Variants in NCK1 observed in about 807,000 individuals in gnomAD.
NCK1 encodes the protein SH2/SH3 adapter protein NCK1.
NCK1 carries 19 observed loss-of-function variants against 36.6 expected under a neutral mutation model. That is an observed-to-expected ratio of 0.52 (90% CI 0.36 to 0.76). The LOEUF (loss-of-function observed/expected upper bound fraction) is 0.76. Ranked by LOEUF, NCK1 falls within the 30% of genes least tolerant of loss-of-function variation. NCK1 has a pLI of 0.00. For missense variants in NCK1, 358 were observed against 445.6 expected, an observed-to-expected ratio of 0.80 and a Z score of 1.77; for synonymous variants, 165 against 156.0, an observed-to-expected ratio of 1.06 and a Z score of -0.43.
chr3:136,907,655 T>A (rs909803522), intron 1 of NCK1, among the ~76,000 whole-genome samples: 1 of 152,224 alleles, frequency 6.6e-6, no homozygotes, highest in African/African-American at 2.4e-5. Context: ...CAGTGTTCTC[T>A]CTTAGGTGAT....
chr3:136,902,468 T>C (rs1290671994), intron 1 of NCK1, among the ~76,000 whole-genome samples: 1 of 152,222 alleles, frequency 6.6e-6, no homozygotes, highest in African/African-American at 2.4e-5. Flanking sequence ...GTGCTAAGAT[T>C]ACAGGCGCGA....
chr3:136,946,259 T>C lies in NCK1; in HGVS notation c.903T>C (p.His301=), dbSNP rs1576995180. Reference sequence around the variant, plus strand: ...AAATGGCATTAAATGAAAGAGGACATGAAGGGGATTTCCTCATTCGTGATA... The same window carrying C: ...AAATGGCATTAAATGAAAGAGGACACGAAGGGGATTTCCTCATTCGTGATA... ...QAEMALNERG[H]EGDFLIRDSE... The change falls in exon 3 of 4, where the codon CAT becomes CAC. Residue 301 remains histidine, a synonymous_variant. Transcript: ENST00000481752. 3.1e-6 allele frequency: 5 copies of C among 1,613,030 alleles called. No homozygotes were observed. The highest frequency in any genetic ancestry group is 1.7e-4 in the Middle Eastern group (1 of 6,060).
intron 2 of NCK1, among the ~76,000 whole-genome samples, chr3:136,932,477 C>T (rs569940378): frequency 6.6e-6 from 1 of 151,912 alleles, no homozygotes; most frequent in Non-Finnish European, 1.5e-5. Flanking sequence ...TTAAATAAAA[C>T]AATAAAAAAT....
chr3:136,908,331 T>C (rs1939740762), intron 1 of NCK1, among the ~76,000 whole-genome samples: 1 of 152,232 alleles, frequency 6.6e-6, no homozygotes. Context: ...ACAGATCATG[T>C]ATGCCTGGTT....
At position 136,874,166 on chromosome 3, in the gene NCK1, A is replaced by T. The variant is rs187569946; in HGVS notation, c.-19+11813A>T. On this transcript the variant is annotated intron_variant, in intron 1 of 3. Coordinates refer to ENST00000481752, the MANE Select transcript of NCK1 (RefSeq NM_001291999.2). ...AAAGCTATTGTCAACATTCATTTACAGTTTTTTACATTTTTTATACTTTTT... is the reference window on the plus strand; with the variant it reads ...AAAGCTATTGTCAACATTCATTTACTGTTTTTTACATTTTTTATACTTTTT... Among the ~76,000 whole-genome samples the T allele has an allele frequency of 2.0e-5, 3 of 152,204 alleles. No homozygotes were observed. In the East Asian group the frequency reaches 5.8e-4, roughly 29 times the overall value.
At position 136,928,769 on chromosome 3, in the gene NCK1, A is replaced by G. The variant is rs931030693; in HGVS notation, c.226+542A>G. 1.1e-4 allele frequency: 16 copies of G among 149,436 alleles called. 1 individual carries two copies. The allele number at this position is 149,436 out of a possible 1,614,324, so 9.3% of individuals were successfully genotyped here. On this transcript the variant is annotated intron_variant, in intron 2 of 3. Coordinates refer to ENST00000481752, the MANE Select transcript of NCK1 (RefSeq NM_001291999.2). ...TGTTTTTTATTTTTACTGGCCCTCCATTAGGGCCTGAGACAGTGGAGCCCA... is the reference window on the plus strand; with the variant it reads ...TGTTTTTTATTTTTACTGGCCCTCCGTTAGGGCCTGAGACAGTGGAGCCCA...
At chr3:136,901,526 G>C (rs1939541273) in intron 1 of NCK1, among the ~76,000 whole-genome samples, 2 of 151,958 alleles carry the variant, frequency 1.3e-5, no homozygotes, top group Non-Finnish European at 2.9e-5. Context: ...TGTTTGTTGG[G>C]AGACTTTATT....
At chr3:136,873,663 C>G (rs897419822) in intron 1 of NCK1, among the ~76,000 whole-genome samples, 1 of 152,178 alleles carries the variant, frequency 6.6e-6, no homozygotes, top group Non-Finnish European at 1.5e-5. Flanking sequence ...GTAGCTCCCA[C>G]AATTCCTGTG....
chr3:136,912,879 A>T (rs1380794973), intron 1 of NCK1, among the ~76,000 whole-genome samples: 1 of 146,898 alleles, frequency 6.8e-6, no homozygotes, highest in African/African-American at 2.5e-5. Context: ...CTTGGTCTTG[A>T]TATCCTGGAC....
rs1402159861 is a variant in NCK1, at chr3:136,928,088, A to G, written c.87A>G (p.Leu29=). Residue 29 remains leucine (L), a synonymous_variant, in exon 2 of 4, where the codon TTA becomes TTG. Coordinates refer to ENST00000481752, the MANE Select transcript of NCK1 (RefSeq NM_001291999.2). ...TGGACATCAAGAAGAATGAGAGATT[A>G]TGGCTTCTGGATGATTCTAAGTCCT... The part of the protein sequence containing the change: ...QELDIKKNER[L]WLLDDSKSWW... 1 of 1,614,190 alleles carries G rather than the reference A, an allele frequency of 6.2e-7. No individual in the cohort carries two copies. The highest frequency in any genetic ancestry group is 8.5e-7 in the Non-Finnish European group (1 of 1,180,030).
At chr3:136,925,835 C>G (rs1940222603) in intron 1 of NCK1, among the ~76,000 whole-genome samples, 1 of 152,166 alleles carries the variant, frequency 6.6e-6, no homozygotes, top group Admixed American at 6.5e-5. Context: ...TTTCATTTCT[C>G]TGGGATAAAT....
intron 1 of NCK1, among the ~76,000 whole-genome samples, chr3:136,902,517 T>C (rs1939572764): frequency 6.6e-6 from 1 of 152,220 alleles, no homozygotes; most frequent in South Asian, 2.1e-4. Flanking sequence ...TTTCTAGTTT[T>C]ATTCCATTCT....
chr3:136,882,579 G>C (rs1398367038), intron 1 of NCK1, among the ~76,000 whole-genome samples: 1 of 151,884 alleles, frequency 6.6e-6, no homozygotes. Flanking sequence ...GTGTGTGTGT[G>C]TGTGTGTGTG....
chr3:136,897,989 T>A (rs1939434097), intron 1 of NCK1, among the ~76,000 whole-genome samples: 1 of 152,214 alleles, frequency 6.6e-6, no homozygotes, highest in African/African-American at 2.4e-5. Flanking sequence ...GAAGACTGGC[T>A]TAACAAAAAG....
chr3:136,931,946 AC>A (rs929164876), intron 2 of NCK1, among the ~76,000 whole-genome samples: 3 of 151,962 alleles, frequency 2.0e-5, no homozygotes, highest in Non-Finnish European at 4.4e-5. Flanking sequence ...ATGGTGAAAC[AC>A]TGTCTCTACT....
chr3:136,898,612 A>T (rs548792326), intron 1 of NCK1, among the ~76,000 whole-genome samples: 2 of 152,236 alleles, frequency 1.3e-5, no homozygotes, highest in African/African-American at 4.8e-5. Context: ...TGGCTAAAAT[A>T]CAAAACATCT....
In NCK1 at chr3:136,945,668, C is replaced by T. The variant is rs764250587; in HGVS notation, c.312C>T (p.Leu104=). The T allele has an allele frequency of 1.9e-5, 30 of 1,614,016 alleles. No homozygotes were observed. In the African/African-American group the frequency reaches 2.7e-4, roughly 14 times the overall value. The change falls in exon 3 of 4, where the codon CTC becomes CTT. Residue 104 remains leucine, a synonymous_variant. Coordinates refer to ENST00000481752, the MANE Select transcript of NCK1 (RefSeq NM_001291999.2). ...DDSFVDPGER[L]YDLNMPAYVK... is the part of the protein sequence containing the mutation. ...GTTTTGTTGACCCAGGGGAACGTCT[C>T]TATGACCTCAACATGCCCGCTTATG...
intron 2 of NCK1, among the ~76,000 whole-genome samples, chr3:136,944,807 C>G (rs1411129627): frequency 1.3e-5 from 2 of 152,126 alleles, no homozygotes; most frequent in African/African-American, 4.8e-5. Context: ...AAGAAATGGG[C>G]AGCAGTGAAA....
In NCK1 at chr3:136,950,113, A is replaced by T. The variant is rs1363532517; in HGVS notation, c.*1660A>T. Among the ~76,000 whole-genome samples the T allele has an allele frequency of 6.6e-6, 1 of 152,112 alleles. No homozygotes were observed. Among genetic ancestry groups the T allele is most frequent in the Non-Finnish European group, 1.5e-5 (1 of 67,970 alleles). On this transcript the variant is annotated 3_prime_UTR_variant, in exon 4 of 4. Transcript: ENST00000481752. ...TCATGTATGCTTATCTTTGCTGTAAAATCAAATGAATATAAATTGAGGAAA... is the reference window on the plus strand; with the variant it reads ...TCATGTATGCTTATCTTTGCTGTAATATCAAATGAATATAAATTGAGGAAA...
Sources: allele counts gnomAD v4.1 joint callset (sites outside exome capture counted in the v4.1 genomes callset), GRCh38; gene constraint gnomAD v4.1.1; transcripts MANE v1.5; gene names NCBI Gene and HGNC (gene_info 2026-07-23, HGNC 2026-07-21).